The following HIPK1 variants were observed in gnomAD, a reference collection of about 807,000 sequenced individuals.
HIPK1 encodes homeodomain interacting protein kinase 1.
A neutral mutation model predicts 117.1 loss-of-function variants in HIPK1; 28 were observed. The ratio of observed to expected loss-of-function variants is 0.24; its 90% CI spans 0.18 to 0.33. The LOEUF (loss-of-function observed/expected upper bound fraction) is 0.33. Among genes scored for constraint, HIPK1 ranks in the 10% least tolerant of loss-of-function variants. HIPK1 has a pLI of 1.00. For synonymous variants in HIPK1, 605 were observed against 562.5 expected (o/e 1.08, Z -1.07); for missense variants, 1,122 against 1,475.1 (o/e 0.76, Z 3.92).
intron 7 of HIPK1, among the ~76,000 whole-genome samples, chr1:113,957,556 G>A (rs1261287475): frequency 6.6e-6 from 1 of 152,202 alleles, no homozygotes; most frequent in South Asian, 2.1e-4. Flanking sequence ...ACTTACTGCT[G>A]TTAGTTTTAC....
Position 113,940,896 on chromosome 1 carries a change from A to G in HIPK1, c.513A>G (p.Gly171=), listed in dbSNP as rs762854689. The change falls in exon 2 of 16, where the codon GGA becomes GGG. Residue 171 remains glycine (G), a synonymous_variant. Transcript: ENST00000426820. ...CCACAAAGAGTAGCAGTTCCAGCGG[A>G]GAAGGGGATTACCAGCTGGTCCAGC... ...TVTTKSSSSS[G]EGDYQLVQHE... is the part of the protein sequence containing the mutation. 6.8e-6 allele frequency: 11 copies of G among 1,614,098 alleles called. No individual in the cohort carries two copies. Among genetic ancestry groups the G allele is most frequent in the Non-Finnish European group, 9.3e-6 (11 of 1,180,020 alleles).
At chr1:113,968,035 A>G (rs1319261591) in intron 12 of HIPK1, 87 bp downstream of exon 12, 1 of 1,217,106 alleles carries the variant, frequency 8.2e-7, no homozygotes, top group African/African-American at 1.5e-5. Context: ...TAGACATATA[A>G]TATAGATATG....
chr1:113,966,321 G>A, intron 11 of HIPK1, 49 bp downstream of exon 11: 1 of 1,550,030 alleles, frequency 6.5e-7, no homozygotes, highest in Non-Finnish European at 8.7e-7. Context: ...CGATCCCATA[G>A]GGTGGGAGCA....
In HIPK1 at chr1:113,949,083, G is replaced by A. The variant is rs78904200; in HGVS notation, c.1077-3683G>A. On this transcript the variant is annotated intron_variant, in intron 2 of 15. Coordinates refer to ENST00000426820, the MANE Select transcript of HIPK1 (RefSeq NM_198268.3). ...GAACTCCTGACCTCAGGCCATCCAC[G>A]TGCCTTGGCCACCCACAGTGCTAGG... Among the ~76,000 whole-genome samples the A allele has an allele frequency of 9.4e-3, 1,437 of 152,168 alleles. 18 individuals are homozygous for A. The highest frequency in any genetic ancestry group is 0.033 in the African/African-American group (1,371 of 41,504).
At chr1:113,968,691 G>C in intron 13 of HIPK1, 43 bp downstream of exon 13, 1 of 1,541,574 alleles carries the variant, frequency 6.5e-7, no homozygotes, top group African/African-American at 1.4e-5. Flanking sequence ...GTTTTAGACT[G>C]TTGGCCTCAG....
At chr1:113,954,870 G>C in intron 4 of HIPK1, 100 bp downstream of exon 4, 1 of 1,091,802 alleles carries the variant, frequency 9.2e-7, no homozygotes, top group South Asian at 1.5e-5. Context: ...GTAGAGAAGG[G>C]AAAGGAGAGG....
At chr1:113,960,443 G>A (rs550587528) in intron 8 of HIPK1, among the ~76,000 whole-genome samples, 4 of 152,200 alleles carry the variant, frequency 2.6e-5, no homozygotes, top group Admixed American at 2.6e-4. Flanking sequence ...TACTGTCCTG[G>A]TTGGCCAAAA....
intron 13 of HIPK1, among the ~76,000 whole-genome samples, chr1:113,969,446 T>C (rs1182006757): frequency 2.0e-5 from 3 of 152,314 alleles, no homozygotes; most frequent in East Asian, 1.9e-4. Context: ...ACCTACTTCA[T>C]AGGATTGTTG....
chr1:113,956,340 A>G (rs1241908653), intron 5 of HIPK1, among the ~76,000 whole-genome samples: 1 of 152,102 alleles, frequency 6.6e-6, no homozygotes, highest in African/African-American at 2.4e-5. Flanking sequence ...TGGCTTCCCA[A>G]AATGCTGGGA....
chr1:113,973,128 C>T lies in HIPK1; in HGVS notation c.3249C>T (p.Thr1083=). Reference sequence around the variant, plus strand: ...CCCCTCTCTCCCAAGCCCCCTACACCTTCCAGCATGGCAGCCCGCTACACT... The same window carrying T: ...CCCCTCTCTCCCAAGCCCCCTACACTTTCCAGCATGGCAGCCCGCTACACT... ...FVAPLSQAPY[T]FQHGSPLHST... is the part of the protein sequence containing the mutation. Residue 1083 remains threonine (T), a synonymous_variant, in exon 16 of 16, where the codon ACC becomes ACT. Transcript: ENST00000426820. The T allele has an allele frequency of 1.3e-6, 2 of 1,594,824 alleles. No individual in the cohort carries two copies. The highest frequency in any genetic ancestry group is 8.5e-7 in the Non-Finnish European group (1 of 1,170,302).
intron 1 of HIPK1, among the ~76,000 whole-genome samples, chr1:113,931,830 C>T (rs1669917360): frequency 6.6e-6 from 1 of 152,148 alleles, no homozygotes; most frequent in Non-Finnish European, 1.5e-5. Flanking sequence ...TGTAACTGGT[C>T]TTGTAATTTG....
chr1:113,947,709 G>A (rs967655820), intron 2 of HIPK1, among the ~76,000 whole-genome samples: 7 of 152,234 alleles, frequency 4.6e-5, no homozygotes, highest in Admixed American at 1.3e-4. Flanking sequence ...TCAAAAGGCA[G>A]GGATTGTTGT....
At chr1:113,929,869 C>G in intron 1 of HIPK1, 2 of 987,660 alleles carry the variant, frequency 2.0e-6, no homozygotes, top group African/African-American at 1.7e-5. Flanking sequence ...CTGCGGGGCC[C>G]CAGATCTCGT....
rs931741798 is a variant in HIPK1, at chr1:113,963,309, G to A, written c.2104-78G>A. On this transcript the variant is annotated intron_variant, in intron 9 of 15. Transcript: ENST00000426820. ...ACTGTTCATTGTCAGTAATAACTTG[G>A]GGGGAATGAGAACCCTTCTGAATCC... The A allele has an allele frequency of 3.3e-6, 5 of 1,493,472 alleles. No individual in the cohort carries two copies. In the African/African-American group the frequency reaches 4.2e-5, roughly 13 times the overall value. 92.5% of individuals were successfully genotyped at this position (1,493,472 alleles called of 1,614,324 possible).
rs1182204225 is a variant in HIPK1, at chr1:113,962,392, C to T, written c.2057C>T (p.Ala686Val). The change falls in exon 9 of 16, where the codon GCA becomes GTA. Residue 686 changes from alanine to valine, a missense_variant. Ala to Val is a moderately conservative substitution (Grantham distance 64, BLOSUM62 0). This residue lies in a region of HIPK1 where 731 missense variants were observed against 860.4 expected (regional missense o/e 0.85). Coordinates refer to ENST00000426820, the MANE Select transcript of HIPK1 (RefSeq NM_198268.3). ...AATGCTGTACCGATTGTACCCCAGGCACCAGCTGCTCAGCCACTACAGATT... is the reference window on the plus strand; with the variant it reads ...AATGCTGTACCGATTGTACCCCAGGTACCAGCTGCTCAGCCACTACAGATT... ...MDNAVPIVPQ[A>V]PAAQPLQIQS... 5 of 1,613,992 alleles carry T rather than the reference C, an allele frequency of 3.1e-6. No homozygotes were observed. Among genetic ancestry groups the T allele is most frequent in the Non-Finnish European group, 4.2e-6 (5 of 1,179,898 alleles).
chr1:113,954,364 A>T (rs991888736), intron 3 of HIPK1, among the ~76,000 whole-genome samples: 1 of 152,204 alleles, frequency 6.6e-6, no homozygotes, highest in East Asian at 1.9e-4. Flanking sequence ...TTTAGAAAGG[A>T]AGTTATCTGA....
chr1:113,944,007 G>A lies in HIPK1; in HGVS notation c.1076+2548G>A, dbSNP rs750927610. 4.6e-5 allele frequency among the ~76,000 whole-genome samples: 7 copies of A among 151,832 alleles called. No homozygotes were observed. The East Asian group carries it at 7.7e-4, about 17-fold the overall frequency. On this transcript the variant is annotated intron_variant, in intron 2 of 15. Coordinates refer to ENST00000426820, the MANE Select transcript of HIPK1 (RefSeq NM_198268.3). Reference sequence around the variant, plus strand: ...TTACTATTATTTTATTTTTTGTGGCGACAGTGTTTTGAGGGTCTCATTTTG... The same window carrying A: ...TTACTATTATTTTATTTTTTGTGGCAACAGTGTTTTGAGGGTCTCATTTTG...
rs531542777 is a variant in HIPK1 at position 113,962,521 on chromosome 1, C to G, written c.2103+83C>G. ...ATTTTGTCCTAGAAAATGGTATTTC[C>G]TTTGACTATAAGATCTTTCTTGGTC... On this transcript the variant is annotated intron_variant, in intron 9 of 15. Coordinates refer to ENST00000426820, the MANE Select transcript of HIPK1 (RefSeq NM_198268.3). The G allele has an allele frequency of 8.0e-6, 11 of 1,366,616 alleles. No homozygotes were observed. In the Admixed American group the frequency reaches 2.2e-4, roughly 27 times the overall value. The allele number at this position is 1,366,616 out of a possible 1,614,324, so 84.7% of individuals were successfully genotyped here.
In HIPK1 at chr1:113,971,900, G is replaced by A. The variant is rs1672853181; in HGVS notation, c.3090G>A (p.Gly1030=). 1.9e-6 allele frequency: 3 copies of A among 1,607,826 alleles called. No individual in the cohort carries two copies. The highest frequency in any genetic ancestry group is 1.3e-5 in the African/African-American group (1 of 74,704). ...CTGGATGCTGTATCACCCCCACAGG[G>A]TATCGAGCTCAACGCGGGGGGACCA... ...QSSGCCITPT[G]YRAQRGGTSA... is the part of the protein sequence containing the mutation. The change falls in exon 15 of 16, where the codon GGG becomes GGA. Residue 1030 remains glycine (G), a synonymous_variant. Coordinates refer to ENST00000426820, the MANE Select transcript of HIPK1 (RefSeq NM_198268.3).
Sources: allele counts gnomAD v4.1 joint callset (sites outside exome capture counted in the v4.1 genomes callset), GRCh38; gene constraint gnomAD v4.1.1; regional missense constraint gnomAD v4.1.1; transcripts MANE v1.5; gene names NCBI Gene and HGNC (gene_info 2026-07-23, HGNC 2026-07-21).